Variants in GRIN2A observed in about 807,000 individuals in gnomAD.
The protein encoded by GRIN2A is glutamate ionotropic receptor NMDA type subunit 2A.
Under a neutral mutation model 113.4 loss-of-function variants are expected in GRIN2A, and 22 were observed. The ratio of observed to expected loss-of-function variants is 0.19; its 90% CI spans 0.14 to 0.28. GRIN2A has a LOEUF of 0.28. Ranked by LOEUF, GRIN2A falls within the 10% of genes least tolerant of loss-of-function variation. The pLI is 1.00. For missense variants in GRIN2A, 1,502 were observed against 1,887.0 expected, an observed-to-expected ratio of 0.80 and a Z score of 3.78; for synonymous variants, 827 against 738.4, an observed-to-expected ratio of 1.12 and a Z score of -1.94.
At position 10,105,244 on chromosome 16, in the gene GRIN2A, A is replaced by T. The variant is rs149491031; in HGVS notation, c.414+74754T>A. Among the ~76,000 whole-genome samples, 5 of 152,232 alleles carry T rather than the reference A, an allele frequency of 3.3e-5. No homozygotes were observed. The East Asian group carries it at 9.6e-4, about 29-fold the overall frequency. On this transcript the variant is annotated intron_variant, in intron 2 of 12. Coordinates refer to ENST00000330684, the MANE Select transcript of GRIN2A (RefSeq NM_001134407.3). ...AGCAATGCTGACCACGACCATTAAA[A>T]CATGAAGCCCACCCCCAAAGAGGAA...
chr16:10,144,939 A>AAG (rs1555487361), intron 2 of GRIN2A, among the ~76,000 whole-genome samples: 8 of 150,024 alleles, frequency 5.3e-5, no homozygotes, highest in Non-Finnish European at 1.0e-4. Flanking sequence ...AAAAAAAAAA[A>AAG]AGAGAGATGA....
intron 2 of GRIN2A, among the ~76,000 whole-genome samples, chr16:10,128,462 A>C (rs2048991592): frequency 6.6e-6 from 1 of 152,206 alleles, no homozygotes; most frequent in Non-Finnish European, 1.5e-5. Flanking sequence ...TGTGAACTGT[A>C]AAGAAGAGGC....
intron 11 of GRIN2A, among the ~76,000 whole-genome samples, chr16:9,798,067 A>G (rs1227361376): frequency 6.6e-6 from 1 of 152,208 alleles, no homozygotes; most frequent in Non-Finnish European, 1.5e-5. Context: ...CTGTATCCTT[A>G]GAATACTTTT....
chr16:9,885,092 TA>T (rs1053192283), intron 4 of GRIN2A, among the ~76,000 whole-genome samples: 1 of 152,144 alleles, frequency 6.6e-6, no homozygotes, highest in African/African-American at 2.4e-5. Flanking sequence ...GTAGCACTTA[TA>T]GCCATTTGTT....
chr16:9,771,392 T>G (rs1476432457), intron 11 of GRIN2A, among the ~76,000 whole-genome samples: 1 of 152,160 alleles, frequency 6.6e-6, no homozygotes, highest in Non-Finnish European at 1.5e-5. Context: ...TTAATTTTAT[T>G]TATTTTAATT....
chr16:9,888,674 G>C (rs1354551498), intron 4 of GRIN2A, among the ~76,000 whole-genome samples: 1 of 151,558 alleles, frequency 6.6e-6, no homozygotes, highest in African/African-American at 2.4e-5. Context: ...CTTAGAATAA[G>C]ACAGAAAAAC....
At chr16:9,911,724 T>C (rs1365165449) in intron 3 of GRIN2A, among the ~76,000 whole-genome samples, 1 of 152,164 alleles carries the variant, frequency 6.6e-6, no homozygotes, top group African/African-American at 2.4e-5. Flanking sequence ...CATTTACCCA[T>C]CATGTAACAG....
At chr16:9,943,072 C>T (rs2044925763) in intron 2 of GRIN2A, 1 of 152,216 alleles carries the variant, frequency 6.6e-6, no homozygotes, top group Non-Finnish European at 1.5e-5. Flanking sequence ...AGCCCAAAGC[C>T]CCTGAACATC....
At chr16:10,159,204 T>C (rs1370839616) in intron 2 of GRIN2A, among the ~76,000 whole-genome samples, 1 of 152,092 alleles carries the variant, frequency 6.6e-6, no homozygotes, top group African/African-American at 2.4e-5. Context: ...GGGAGCTCAA[T>C]ATACATCCGT....
At chr16:10,115,339 T>C (rs140795111) in intron 2 of GRIN2A, among the ~76,000 whole-genome samples, 94 of 152,340 alleles carry the variant, frequency 6.2e-4, no homozygotes, top group African/African-American at 2.1e-3. Flanking sequence ...TTACTTGCTA[T>C]ACCATCAACA....
intron 11 of GRIN2A, among the ~76,000 whole-genome samples, chr16:9,774,892 A>G (rs1272328718): frequency 6.6e-6 from 1 of 152,000 alleles, no homozygotes; most frequent in African/African-American, 2.4e-5. Flanking sequence ...CTTCTAACTC[A>G]CTCTATCTAT....
rs776960433 is a variant in GRIN2A at position 9,891,114 on chromosome 16, G to C, written c.1008-14C>G. ...TTGACCATAAATCTAGAAAGGGGAA[G>C]AGAGAAAGACAAATTTTTAGGAAAG... On this transcript the variant is annotated splice_polypyrimidine_tract_variant and intron_variant, in intron 3 of 12. Transcript: ENST00000330684. 1 of 1,507,034 alleles carries C rather than the reference G, an allele frequency of 6.6e-7. No homozygotes were observed. The highest frequency in any genetic ancestry group is 9.2e-7 in the Non-Finnish European group (1 of 1,082,216). The allele number at this position is 1,507,034 out of a possible 1,614,324, so 93.4% of individuals were successfully genotyped here. A position where few individuals can be genotyped will look rare whatever the true frequency, so the allele number is the denominator to read the frequency against.
At chr16:9,791,366 A>C (rs1475787811) in intron 11 of GRIN2A, among the ~76,000 whole-genome samples, 1 of 152,230 alleles carries the variant, frequency 6.6e-6, no homozygotes, top group Non-Finnish European at 1.5e-5. Context: ...AAAAAATTTC[A>C]AATGGTGAAA....
chr16:10,114,371 G>A (rs145211391), intron 2 of GRIN2A, among the ~76,000 whole-genome samples: 5 of 152,266 alleles, frequency 3.3e-5, no homozygotes, highest in African/African-American at 7.2e-5. Context: ...GATTATGTGC[G>A]GGTAAAGCCA....
chr16:9,964,526 C>T (rs533082099), intron 2 of GRIN2A, among the ~76,000 whole-genome samples: 3 of 152,174 alleles, frequency 2.0e-5, no homozygotes, highest in East Asian at 1.9e-4. Context: ...AAATGGGTCT[C>T]GCTGGACTAA....
chr16:9,792,675 G>A (rs1024530162), intron 11 of GRIN2A, among the ~76,000 whole-genome samples: 1 of 149,056 alleles, frequency 6.7e-6, no homozygotes. Context: ...TTAATTTTAT[G>A]TGTTAAATGA....
chr16:9,780,219 T>G (rs1901861069), intron 11 of GRIN2A, among the ~76,000 whole-genome samples: 1 of 152,200 alleles, frequency 6.6e-6, no homozygotes, highest in Non-Finnish European at 1.5e-5. Context: ...CTACTAAAGT[T>G]GAGTAGACGC....
chr16:9,974,874 A>G (rs899639348), intron 2 of GRIN2A, among the ~76,000 whole-genome samples: 2 of 152,152 alleles, frequency 1.3e-5, no homozygotes, highest in Non-Finnish European at 2.9e-5. Context: ...TTCCAGTACT[A>G]TGCTGAATAG....
At chr16:10,110,678 G>A (rs1294900031) in intron 2 of GRIN2A, among the ~76,000 whole-genome samples, 2 of 152,180 alleles carry the variant, frequency 1.3e-5, no homozygotes, top group Non-Finnish European at 2.9e-5. Context: ...GCAGGTTCTG[G>A]ATAAGTGATC....
Sources: allele counts gnomAD v4.1 joint callset (sites outside exome capture counted in the v4.1 genomes callset), GRCh38; gene constraint gnomAD v4.1.1; transcripts MANE v1.5; gene names NCBI Gene and HGNC (gene_info 2026-07-23, HGNC 2026-07-21).